AKR1C3: variants seen among roughly 807,000 people sequenced by gnomAD.
The protein encoded by AKR1C3 is aldo-keto reductase family 1 member C3, also known as 3-alpha hydroxysteroid dehydrogenase, type II.
A neutral mutation model predicts 43.6 loss-of-function variants in AKR1C3; 48 were observed. The ratio of observed to expected loss-of-function variants is 1.10; its 90% CI spans 0.87 to 1.40. AKR1C3 has a LOEUF of 1.40. Ranked by LOEUF, AKR1C3 falls within the 40% of genes most tolerant of loss-of-function variation. The pLI, the probability that AKR1C3 is intolerant of heterozygous loss-of-function variation, is 0.00. For missense variants in AKR1C3, 482 were observed against 391.2 expected (o/e 1.23, Z -1.96); for synonymous variants, 162 against 139.6 (o/e 1.16, Z -1.13).
At chr10:5,060,369 C>T (rs1164735255) in intron 1 of AKR1C3, among the ~76,000 whole-genome samples, 1 of 152,056 alleles carries the variant, frequency 6.6e-6, no homozygotes, top group Non-Finnish European at 1.5e-5. Flanking sequence ...GCTGATTGGT[C>T]CGTTTTGATG....
At position 5,052,105 on chromosome 10, in the gene AKR1C3, C is replaced by T. The variant is rs186687212; in HGVS notation, c.84+3210C>T. Among the ~76,000 whole-genome samples the T allele has an allele frequency of 1.6e-4, 25 of 152,190 alleles. No homozygotes were observed. In the South Asian group the frequency reaches 2.1e-3, roughly 13 times the overall value. ...TTTCCTTCTGATGTTCGGACGTATTCGGAGTTTATTCCTTCTGGTGGGTGC... is the reference window on the plus strand; with the variant it reads ...TTTCCTTCTGATGTTCGGACGTATTTGGAGTTTATTCCTTCTGGTGGGTGC... On this transcript the variant is annotated intron_variant, in intron 1 of 8. Coordinates refer to the AKR1C3 transcript ENST00000439082.
At chr10:5,100,540 T>G (rs372540612) in intron 5 of AKR1C3, among the ~76,000 whole-genome samples, 2 of 152,202 alleles carry the variant, frequency 1.3e-5, no homozygotes, top group Admixed American at 6.5e-5. Flanking sequence ...CCAGGCCTCC[T>G]TGATCAAATT....
At chr10:5,058,202 GAGGTC>G (rs1305426868) in intron 1 of AKR1C3, among the ~76,000 whole-genome samples, 1 of 152,214 alleles carries the variant, frequency 6.6e-6, no homozygotes, top group African/African-American at 2.4e-5. Flanking sequence ...GGTAAGCTGA[GAGGTC>G]CTCCTGTGGG....
intron 5 of AKR1C3, 80 bp downstream of exon 5, chr10:5,099,529 G>C (rs1839297396): frequency 3.1e-6 from 5 of 1,596,612 alleles, no homozygotes; most frequent in East Asian, 4.5e-5. Context: ...TGTTTGTTTT[G>C]TCCCAGTTAT....
chr10:5,105,377 G>T (rs968257615), intron 7 of AKR1C3: 6 of 369,812 alleles, frequency 1.6e-5, no homozygotes, highest in African/African-American at 1.3e-4. Flanking sequence ...CTCTTTGTCT[G>T]CAGAGTTGCA....
At chr10:5,086,878 A>G (rs1411933136) in intron 1 of AKR1C3, among the ~76,000 whole-genome samples, 3 of 152,014 alleles carry the variant, frequency 2.0e-5, no homozygotes, top group Non-Finnish European at 2.9e-5. Flanking sequence ...AGTCTGTTTT[A>G]TCTGAGACTA....
Position 5,107,379 on chromosome 10 carries a change from A to AT in AKR1C3, c.930-81dup, listed in dbSNP as rs1422463099. 17 of 1,011,712 alleles carry AT rather than the reference A, an allele frequency of 1.7e-5. No homozygotes were observed. The African/African-American group carries it at 2.4e-4, about 14-fold the overall frequency. The allele number at this position is 1,011,712 out of a possible 1,614,324, so 62.7% of individuals were successfully genotyped here. ...GTCAGACAACTTAACATTCATACTA[A>AT]TGACAGCTTCATTGAAATCACTTTA... On this transcript the variant is annotated intron_variant, in intron 8 of 8. Coordinates refer to ENST00000380554, the MANE Select transcript of AKR1C3 (RefSeq NM_003739.6).
intron 8 of AKR1C3, among the ~76,000 whole-genome samples, chr10:5,106,936 AAAAG>A (rs1282906278): frequency 1.3e-5 from 2 of 152,124 alleles, no homozygotes; most frequent in Admixed American, 6.5e-5. Context: ...GAAACCATGT[AAAAG>A]AAAGGAAGAG....
At chr10:5,052,736 C>T (rs1247812186) in intron 1 of AKR1C3, among the ~76,000 whole-genome samples, 3 of 151,940 alleles carry the variant, frequency 2.0e-5, no homozygotes, top group Non-Finnish European at 4.4e-5. Flanking sequence ...ACTAGATTAG[C>T]TAGATACAGA....
At chr10:5,055,768 T>A (rs1328245310) in intron 1 of AKR1C3, among the ~76,000 whole-genome samples, 3 of 152,200 alleles carry the variant, frequency 2.0e-5, no homozygotes, top group African/African-American at 4.8e-5. Context: ...TGTTTCTGCC[T>A]CTGGTTCCCA....
intron 1 of AKR1C3, among the ~76,000 whole-genome samples, chr10:5,055,293 T>C (rs1247507202): frequency 6.6e-6 from 1 of 152,242 alleles, no homozygotes; most frequent in African/African-American, 2.4e-5. Flanking sequence ...ATCTAGACTA[T>C]AATTTGTTGG....
chr10:5,082,818 TAGGG>T (rs1430776351), intron 1 of AKR1C3, among the ~76,000 whole-genome samples: 3 of 152,116 alleles, frequency 2.0e-5, no homozygotes, highest in Non-Finnish European at 4.4e-5. Flanking sequence ...GTAGAACAAT[TAGGG>T]AGGAATGTCT....
chr10:5,088,655 C>T (rs1390936731), intron 1 of AKR1C3, among the ~76,000 whole-genome samples: 1 of 151,296 alleles, frequency 6.6e-6, no homozygotes, highest in Non-Finnish European at 1.5e-5. Context: ...TGCTTGCTGA[C>T]ATTGATATAT....
At chr10:5,078,075 G>T in intron 1 of AKR1C3, 1 of 616,670 alleles carries the variant, frequency 1.6e-6, no homozygotes, top group South Asian at 1.9e-5. Flanking sequence ...AAAACAGAAA[G>T]CTATAAAAGG....
At chr10:5,102,358 G>T in intron 6 of AKR1C3, 127 bp from the exon 7 acceptor site, 2 of 1,593,628 alleles carry the variant, frequency 1.3e-6, no homozygotes, top group East Asian at 2.2e-5. Flanking sequence ...GGATGATGCT[G>T]ATGGTGATGC....
chr10:5,091,478 TGTC>T (rs1554784158), upstream of AKR1C3, among the ~76,000 whole-genome samples: 2 of 152,196 alleles, frequency 1.3e-5, no homozygotes, highest in African/African-American at 4.8e-5. Flanking sequence ...TTTTTATTTA[TGTC>T]TTTAGCTTTT....
intron 3 of AKR1C3, 115 bp from the exon 4 acceptor site, chr10:5,098,687 G>T: frequency 1.3e-6 from 1 of 786,648 alleles, no homozygotes. Flanking sequence ...TCACTTTCTG[G>T]AGCATTGTAC....
intron 7 of AKR1C3, among the ~76,000 whole-genome samples, chr10:5,104,777 ATATG>A (rs1431022841): frequency 6.6e-6 from 1 of 152,120 alleles, no homozygotes; most frequent in Non-Finnish European, 1.5e-5. Flanking sequence ...CCATTAAACC[ATATG>A]TATTTTTAAA....
chr10:5,053,494 C>T (rs1361456471), intron 1 of AKR1C3, among the ~76,000 whole-genome samples: 1 of 152,238 alleles, frequency 6.6e-6, no homozygotes, highest in Non-Finnish European at 1.5e-5. Context: ...TCCACACCTC[C>T]CTGCAAGCTG....
Sources: allele counts gnomAD v4.1 joint callset (sites outside exome capture counted in the v4.1 genomes callset), GRCh38; gene constraint gnomAD v4.1.1; transcripts MANE v1.5; gene names NCBI Gene and HGNC (gene_info 2026-07-23, HGNC 2026-07-21).